The following NKX2-6 variants were observed in gnomAD, a reference collection of about 807,000 sequenced individuals.
NKX2-6 encodes homeobox protein Nkx-2.6.
A neutral mutation model predicts 8.6 loss-of-function variants in NKX2-6; 8 were observed. The observed-to-expected ratio is 0.93, with a 90% CI of 0.54 to 1.67. NKX2-6 has a LOEUF of 1.67. NKX2-6 is among the 40% of genes most tolerant of loss of function. The pLI, the probability that NKX2-6 is intolerant of heterozygous loss-of-function variation, is 0.00. For synonymous variants in NKX2-6, 210 were observed against 199.3 expected, an observed-to-expected ratio of 1.05 and a Z score of -0.45; for missense variants, 475 against 423.1, an observed-to-expected ratio of 1.12 and a Z score of -1.08.
At chr8:23,703,751 A>T (rs2117596492) in intron 1 of NKX2-6, among the ~76,000 whole-genome samples, 1 of 152,284 alleles carries the variant, frequency 6.6e-6, no homozygotes, top group East Asian at 1.9e-4. Flanking sequence ...TGTGCATGGT[A>T]AACCTTCGCT....
At position 23,702,932 on chromosome 8, in the gene NKX2-6, G is replaced by C; in HGVS notation, c.425C>G (p.Ala142Gly). The change falls in exon 2 of 2, where the codon GCG becomes GGG. Residue 142 changes from alanine to glycine, a missense_variant. Transcript: ENST00000325017. Reference sequence around the variant, plus strand: ...GCGCCGCTCCAGGGCCAGCACCTGCGCCTGCGAAAAGAGCACGCGCGGCTT... The same window carrying C: ...GCGCCGCTCCAGGGCCAGCACCTGCCCCTGCGAAAAGAGCACGCGCGGCTT... ...RRKPRVLFSQ[A>G]QVLALERRFK... 1 of 1,549,940 alleles carries C rather than the reference G, an allele frequency of 6.5e-7. No individual in the cohort carries two copies.
Position 23,706,587 on chromosome 8 carries a change from G to C in NKX2-6, c.12C>G (p.Ser4Arg). 1 of 1,535,278 alleles carries C rather than the reference G, an allele frequency of 6.5e-7. No individual in the cohort carries two copies. Reference sequence around the variant, plus strand: ...CCGAGAAGGGGGTGGAGGTGACGGGGCTCAGCAGCATCCCGAAGGCGGATG... The same window carrying C: ...CCGAGAAGGGGGTGGAGGTGACGGGCCTCAGCAGCATCCCGAAGGCGGATG... The part of the protein sequence containing the change: MLL[S>R]PVTSTPFSVK... The change falls in exon 1 of 2, where the codon AGC becomes AGG. Residue 4 changes from serine to arginine, a missense_variant. Coordinates refer to ENST00000325017, the MANE Select transcript of NKX2-6 (RefSeq NM_001136271.3).
rs1346857316 is a variant in NKX2-6, at chr8:23,706,217, G to C, written c.274+108C>G. 6.0e-6 allele frequency: 7 copies of C among 1,169,370 alleles called. No homozygotes were observed. The East Asian group carries it at 7.8e-5, about 13-fold the overall frequency. The allele number at this position is 1,169,370 out of a possible 1,614,324, so 72.4% of individuals were successfully genotyped here. A position where few individuals can be genotyped will look rare whatever the true frequency, so the allele number is the denominator to read the frequency against. ...TGGACTCCTCGAGAGAAAATGGAGA[G>C]AGTCTCGAACCCAGGAGATAGGAGG... On this transcript the variant is annotated intron_variant, in intron 1 of 1. Transcript: ENST00000325017.
rs959054178 is a variant in NKX2-6, at chr8:23,702,531, C to A, written c.826G>T (p.Ala276Ser). ...GPAPHTPLAS[A>S]GFGHGGQNAT... Reference sequence around the variant, plus strand: ...TTCTGGCCACCGTGTCCGAAGCCCGCGCTGGCCAGTGGTGTGTGTGGCGCA... The same window carrying A: ...TTCTGGCCACCGTGTCCGAAGCCCGAGCTGGCCAGTGGTGTGTGTGGCGCA... The change falls in exon 2 of 2, where the codon GCG becomes TCG. Residue 276 changes from alanine (A) to serine (S), a missense_variant. Transcript: ENST00000325017. 89 of 1,539,368 alleles carry A rather than the reference C, an allele frequency of 5.8e-5. No individual in the cohort carries two copies. The highest frequency in any genetic ancestry group is 2.0e-4 in the Admixed American group (10 of 50,808).
intron 1 of NKX2-6, among the ~76,000 whole-genome samples, chr8:23,704,341 C>A (rs1262428915): frequency 2.0e-5 from 3 of 152,164 alleles, no homozygotes; most frequent in African/African-American, 4.8e-5. Flanking sequence ...TGAAGTCTTC[C>A]TTTCACCCAG....
At chr8:23,703,710 CAAA>C (rs1554510918) in intron 1 of NKX2-6, among the ~76,000 whole-genome samples, 125 of 38,976 alleles carry the variant, frequency 3.2e-3, no homozygotes, top group African/African-American at 0.012. Context: ...AACAAACAAA[CAAA>C]AAACAAACAA....
intron 1 of NKX2-6, 29 bp downstream of exon 1, chr8:23,706,296 T>A: frequency 2.0e-6 from 2 of 999,506 alleles, no homozygotes; most frequent in Non-Finnish European, 2.9e-6. Context: ...ATTCCCCCCG[T>A]AGGAGGCAAG....
intron 1 of NKX2-6, among the ~76,000 whole-genome samples, chr8:23,703,344 C>G (rs1214845712): frequency 1.3e-5 from 2 of 152,174 alleles, no homozygotes; most frequent in Non-Finnish European, 2.9e-5. Context: ...TGTGTGCGTC[C>G]TTTTCCTAAA....
At chr8:23,703,959 C>G (rs1801053137) in intron 1 of NKX2-6, among the ~76,000 whole-genome samples, 1 of 152,166 alleles carries the variant, frequency 6.6e-6, no homozygotes, top group South Asian at 2.1e-4. Flanking sequence ...GACAGGCTCT[C>G]AGGAGGCTCC....
intron 1 of NKX2-6, 123 bp downstream of exon 1, chr8:23,706,202 G>A: frequency 9.3e-7 from 1 of 1,075,592 alleles, no homozygotes; most frequent in Non-Finnish European, 1.3e-6. Context: ...TGGACTCCTC[G>A]AGAGAAAATG....
In NKX2-6 at chr8:23,702,604, G is replaced by A. The variant is rs1801021964; in HGVS notation, c.753C>T (p.Pro251=). The A allele has an allele frequency of 6.5e-7, 1 of 1,547,454 alleles. No homozygotes were observed. Residue 251 remains proline, a synonymous_variant, in exon 2 of 2, where the codon CCC becomes CCT. Coordinates refer to ENST00000325017, the MANE Select transcript of NKX2-6 (RefSeq NM_001136271.3). ...YSCYGGYSGA[P]YGAGYGTCYA... is the part of the protein sequence containing the mutation. ...AGCAGGTGCCGTAGCCTGCGCCGTA[G>A]GGTGCTCCGCTGTAGCCTCCGTAGC... is the stretch of plus-strand genomic sequence containing the variant.
intron 1 of NKX2-6, among the ~76,000 whole-genome samples, chr8:23,705,499 G>A (rs1001263040): frequency 1.3e-5 from 2 of 152,170 alleles, no homozygotes; most frequent in African/African-American, 4.8e-5. Flanking sequence ...GGAATATCGG[G>A]CCTCTCCAGC....
rs1801012234 is a variant in NKX2-6 at position 23,701,911 on chromosome 8, G to C, written c.*540C>G. Among the ~76,000 whole-genome samples the C allele has an allele frequency of 6.6e-6, 1 of 152,150 alleles. No individual in the cohort carries two copies. The highest frequency in any genetic ancestry group is 2.1e-4 in the South Asian group (1 of 4,830). ...GGCGCGGCCTTATGGGGATGTTTAA[G>C]TCCCAAAGGAAGAGGCTCAAAGCAG... On this transcript the variant is annotated 3_prime_UTR_variant, in exon 2 of 2. Coordinates refer to ENST00000325017, the MANE Select transcript of NKX2-6 (RefSeq NM_001136271.3).
chr8:23,703,008 CGCCGCTGTT>C lies in NKX2-6; in HGVS notation c.340_348del (p.Asn114_Gly116del). On this transcript the variant is annotated inframe_deletion, in exon 2 of 2. Transcript: ENST00000325017. ...TCCGAGCGGCCACCCCGCACGCTGT[CGCCGCTGTT>C]GCCAACGCCGCGCTCTGGCACCCTG... The C allele has an allele frequency of 6.5e-7, 1 of 1,541,020 alleles. No homozygotes were observed. The highest frequency in any genetic ancestry group is 1.2e-5 in the South Asian group (1 of 83,856).
At chr8:23,705,051 G>T (rs567191311) in intron 1 of NKX2-6, among the ~76,000 whole-genome samples, 3 of 152,220 alleles carry the variant, frequency 2.0e-5, no homozygotes, top group Non-Finnish European at 2.9e-5. Flanking sequence ...CACTGCTGCC[G>T]CAGAAGAGAC....
rs1258655790 is a variant in NKX2-6 at position 23,702,619 on chromosome 8, G to T, written c.738C>A (p.Gly246=). ...CTGCGCCGTAGGGTGCTCCGCTGTA[G>T]CCTCCGTAGCAAGAGTAGGGCGACA... ...AAVSPYSCYG[G]YSGAPYGAGY... Residue 246 remains glycine (G), a synonymous_variant, in exon 2 of 2, where the codon GGC becomes GGA. Coordinates refer to ENST00000325017, the MANE Select transcript of NKX2-6 (RefSeq NM_001136271.3). 6.5e-7 allele frequency: 1 copy of T among 1,548,718 alleles called. No homozygotes were observed.
chr8:23,703,908 AAC>A (rs762767075), intron 1 of NKX2-6, among the ~76,000 whole-genome samples: 1 of 151,868 alleles, frequency 6.6e-6, no homozygotes, highest in Non-Finnish European at 1.5e-5. Flanking sequence ...AGGAAGGAAA[AAC>A]AGAGAGAAGC....
chr8:23,704,977 G>T (rs1801067473), intron 1 of NKX2-6, among the ~76,000 whole-genome samples: 1 of 152,212 alleles, frequency 6.6e-6, no homozygotes, highest in Non-Finnish European at 1.5e-5. Flanking sequence ...TCGCTACCGC[G>T]GCCTTGGGCT....
At chr8:23,705,805 T>A (rs2117599651) in intron 1 of NKX2-6, among the ~76,000 whole-genome samples, 1 of 152,142 alleles carries the variant, frequency 6.6e-6, no homozygotes, top group South Asian at 2.1e-4. Context: ...AGAAGAAAAA[T>A]CCATGAGGAG....
Sources: allele counts gnomAD v4.1 joint callset (sites outside exome capture counted in the v4.1 genomes callset), GRCh38; gene constraint gnomAD v4.1.1; transcripts MANE v1.5; gene names NCBI Gene and HGNC (gene_info 2026-07-23, HGNC 2026-07-21).